The following NLGN4X variants were observed in gnomAD, a reference collection of about 807,000 sequenced individuals.
NLGN4X encodes the protein neuroligin 4 X-linked, also known as neuroligin-4, X-linked.
NLGN4X carries 3 observed loss-of-function variants against 40.3 expected under a neutral mutation model. The ratio of observed to expected loss-of-function variants is 0.07; its 90% CI spans 0.03 to 0.19. NLGN4X has a LOEUF of 0.19. NLGN4X is among the 10% of genes least tolerant of loss of function. The pLI is 1.00. For missense variants in NLGN4X, 382 were observed against 708.3 expected, an observed-to-expected ratio of 0.54 and a Z score of 5.23; for synonymous variants, 270 against 306.8, an observed-to-expected ratio of 0.88 and a Z score of 1.25.
At chrX:6,091,427 C>T (rs1409737669) in intron 2 of NLGN4X, among the ~76,000 whole-genome samples, 1 of 111,046 alleles carries the variant, frequency 9.0e-6, no homozygotes, top group Non-Finnish European at 1.9e-5. Context: ...ATCCTGTGTT[C>T]CAGAAAATGG....
chrX:6,146,105 A>G (rs749900035), intron 2 of NLGN4X, among the ~76,000 whole-genome samples: 3 of 106,768 alleles, frequency 2.8e-5, no homozygotes, highest in Non-Finnish European at 3.9e-5. Flanking sequence ...ACAGAGCAAG[A>G]TCCTGTTTCT....
chrX:6,029,947 T>C (rs1232161671), intron 2 of NLGN4X, among the ~76,000 whole-genome samples: 1 of 110,892 alleles, frequency 9.0e-6, no homozygotes, highest in African/African-American at 3.3e-5. Context: ...CTATAAACTA[T>C]CAATAAGGGA....
At chrX:6,226,254 C>T (rs1926303720) in intron 1 of NLGN4X, among the ~76,000 whole-genome samples, 1 of 108,542 alleles carries the variant, frequency 9.2e-6, no homozygotes, top group South Asian at 4.2e-4. Flanking sequence ...GCAGCACATA[C>T]ACAAAAAGAG....
At chrX:5,995,574 CA>C (rs1418702462) in intron 3 of NLGN4X, among the ~76,000 whole-genome samples, 1 of 111,986 alleles carries the variant, frequency 8.9e-6, no homozygotes, top group African/African-American at 3.2e-5. Flanking sequence ...CCTAATGGTT[CA>C]ATGTAGGCTT....
intron 4 of NLGN4X, among the ~76,000 whole-genome samples, chrX:5,904,956 T>G (rs771627511): frequency 2.9e-4 from 32 of 110,735 alleles, no homozygotes; most frequent in Non-Finnish European, 5.8e-4. Context: ...GACCGCAACT[T>G]GAAACCAATA....
At chrX:5,950,357 A>G (rs1482748683) in intron 3 of NLGN4X, among the ~76,000 whole-genome samples, 1 of 112,197 alleles carries the variant, frequency 8.9e-6, no homozygotes, top group East Asian at 2.8e-4. Context: ...AGTACTTTAT[A>G]AATATTGGGA....
intron 2 of NLGN4X, among the ~76,000 whole-genome samples, chrX:6,042,685 T>TTATATATATATATA (rs749649054): frequency 3.5e-5 from 1 of 28,414 alleles, no homozygotes; most frequent in African/African-American, 1.4e-4. Context: ...CATAGAGGTT[T>TTATATATATATATA]TATATATATA....
At chrX:6,063,977 G>A (rs1268969907) in intron 2 of NLGN4X, among the ~76,000 whole-genome samples, 1 of 111,728 alleles carries the variant, frequency 9.0e-6, no homozygotes, top group East Asian at 2.8e-4. Context: ...TTTGCCAGAG[G>A]TAAACTGCTA....
intron 5 of NLGN4X, among the ~76,000 whole-genome samples, chrX:5,900,895 G>T (rs7878793): frequency 0.26 from 28,697 of 109,797 alleles, 3,153 homozygotes; most frequent in African/African-American, 0.41. Context: ...ATACAGTTTT[G>T]GATACTCTGA....
At chrX:6,059,108 G>A (rs1327423978) in intron 2 of NLGN4X, among the ~76,000 whole-genome samples, 1 of 112,161 alleles carries the variant, frequency 8.9e-6, no homozygotes, top group Non-Finnish European at 1.9e-5. Context: ...GTTAAGATGT[G>A]AGCTAGAATG....
At chrX:6,203,227 C>A (rs1923772026) in intron 1 of NLGN4X, among the ~76,000 whole-genome samples, 1 of 112,511 alleles carries the variant, frequency 8.9e-6, no homozygotes, top group African/African-American at 3.2e-5. Flanking sequence ...GCCCTTGAGA[C>A]AACACTCAAC....
chrX:6,123,446 G>GA (rs760906677), intron 2 of NLGN4X, among the ~76,000 whole-genome samples: 7 of 111,430 alleles, frequency 6.3e-5, no homozygotes, highest in African/African-American at 2.3e-4. Flanking sequence ...TCTGCAAGGA[G>GA]AGGAACCCAG....
At chrX:6,056,345 G>A (rs961482442) in intron 2 of NLGN4X, among the ~76,000 whole-genome samples, 2 of 110,831 alleles carry the variant, frequency 1.8e-5, no homozygotes, top group African/African-American at 6.6e-5. Flanking sequence ...GTGTGGTGGT[G>A]CATGCCTGTA....
At chrX:6,109,715 G>A (rs191212990) in intron 2 of NLGN4X, among the ~76,000 whole-genome samples, 43 of 111,991 alleles carry the variant, frequency 3.8e-4, no homozygotes, top group Non-Finnish European at 7.9e-4. Flanking sequence ...GCATTTGGGT[G>A]TGCTCACTGC....
At chrX:5,956,927 G>A (rs1446702897) in intron 3 of NLGN4X, among the ~76,000 whole-genome samples, 1 of 111,429 alleles carries the variant, frequency 9.0e-6, no homozygotes, top group African/African-American at 3.3e-5. Context: ...TTTTATTGGT[G>A]TTGTGTGTTA....
intron 3 of NLGN4X, among the ~76,000 whole-genome samples, chrX:5,924,969 T>C (rs1426984128): frequency 3.6e-5 from 4 of 110,682 alleles, no homozygotes; most frequent in Non-Finnish European, 7.6e-5. Context: ...GTGACTCATG[T>C]AAGCAAATAC....
chrX:6,196,550 T>TAAAAAAAA (rs1923091981), intron 1 of NLGN4X, among the ~76,000 whole-genome samples: 1 of 7,679 alleles, frequency 1.3e-4, no homozygotes, highest in Non-Finnish European at 2.3e-4. Context: ...AGACTCTGTC[T>TAAAAAAAA]CAAAAAAAAA....
At chrX:6,225,494 C>T (rs1602457923) in intron 1 of NLGN4X, among the ~76,000 whole-genome samples, 3 of 108,396 alleles carry the variant, frequency 2.8e-5, no homozygotes, top group Middle Eastern at 9.4e-3. Flanking sequence ...GTTTCTGCCG[C>T]TTTGTTCTCA....
At chrX:6,001,385 G>C (rs925744723) in intron 3 of NLGN4X, among the ~76,000 whole-genome samples, 1 of 111,868 alleles carries the variant, frequency 8.9e-6, no homozygotes, top group Admixed American at 9.5e-5. Flanking sequence ...AATATGTGAG[G>C]TTCAATCAAC....
Sources: allele counts gnomAD v4.1 joint callset (sites outside exome capture counted in the v4.1 genomes callset), GRCh38; gene constraint gnomAD v4.1.1; transcripts MANE v1.5; gene names NCBI Gene and HGNC (gene_info 2026-07-23, HGNC 2026-07-21).